WNT3A: variants seen among roughly 807,000 people sequenced by gnomAD.
The protein encoded by WNT3A is Wnt family member 3A.
Under a neutral mutation model 37.0 loss-of-function variants are expected in WNT3A, and 17 were observed. The ratio of observed to expected loss-of-function variants is 0.46; its 90% CI spans 0.31 to 0.69. The LOEUF is 0.69. Ranked by LOEUF, WNT3A falls within the 30% of genes least tolerant of loss-of-function variation. The pLI is 0.05. For synonymous variants in WNT3A, 187 were observed against 211.0 expected, an observed-to-expected ratio of 0.89 and a Z score of 0.99; for missense variants, 411 against 510.2, an observed-to-expected ratio of 0.81 and a Z score of 1.87.
intron 1 of WNT3A, among the ~76,000 whole-genome samples, chr1:228,016,020 G>A (rs1258059819): frequency 2.0e-5 from 3 of 152,138 alleles, no homozygotes; most frequent in East Asian, 1.9e-4. Flanking sequence ...GTCTGTGCCC[G>A]TCACCTTCTG....
chr1:228,018,917 C>T (rs573810969), intron 1 of WNT3A, among the ~76,000 whole-genome samples: 23 of 152,334 alleles, frequency 1.5e-4, no homozygotes, highest in Non-Finnish European at 2.8e-4. Context: ...AGCAATTCAA[C>T]GAACTGGAGG....
Position 228,046,327 on chromosome 1 carries a change from G to GCA in WNT3A, c.314-4328_314-4327dup, listed in dbSNP as rs572969440. 1.8e-4 allele frequency among the ~76,000 whole-genome samples: 27 copies of GCA among 150,774 alleles called. No homozygotes were observed. The East Asian group carries it at 5.1e-3, about 28-fold the overall frequency. ...CATGTGGAGGGGTGTGTGTGTGTGT[G>GCA]CATCTGTGTGCATGCATGTGTTTGT... On this transcript the variant is annotated intron_variant, in intron 2 of 3. Transcript: ENST00000284523.
chr1:228,031,537 GA>G lies in WNT3A; in HGVS notation c.313+8631del, dbSNP rs1281898592. On this transcript the variant is annotated intron_variant, in intron 2 of 3. Transcript: ENST00000284523. This position sits in a 1 kb window ranked among gnomAD's most constrained non-coding sequence, Gnocchi z 4.8. ...TGTATGTGAGTGTGCACGTGTGTGG[GA>G]ATGTGGTGTGATGTGTCATGTGTGC... Among the ~76,000 whole-genome samples the G allele has an allele frequency of 6.6e-6, 1 of 152,134 alleles. No homozygotes were observed. The highest frequency in any genetic ancestry group is 1.5e-5 in the Non-Finnish European group (1 of 68,014).
At chr1:228,048,478 C>T (rs1172670801) in intron 2 of WNT3A, among the ~76,000 whole-genome samples, 13 of 152,228 alleles carry the variant, frequency 8.5e-5, no homozygotes, top group Admixed American at 2.6e-4. Context: ...TGCTAGTTCC[C>T]CAGCTCAGAC....
chr1:228,047,025 G>A (rs2031436048), intron 2 of WNT3A, among the ~76,000 whole-genome samples: 1 of 152,138 alleles, frequency 6.6e-6, no homozygotes, highest in Non-Finnish European at 1.5e-5. Flanking sequence ...AACCAGGAGG[G>A]GCAAATTGGC....
intron 1 of WNT3A, among the ~76,000 whole-genome samples, chr1:228,012,115 A>G (rs1489827331): frequency 6.6e-6 from 1 of 152,226 alleles, no homozygotes. Flanking sequence ...GAGTAGATAC[A>G]GTCATAGCAG....
In WNT3A at chr1:228,037,781, C is replaced by T. The variant is rs1338848996; in HGVS notation, c.314-12875C>T. On this transcript the variant is annotated intron_variant, in intron 2 of 3. Transcript: ENST00000284523. This position sits in a 1 kb window ranked among gnomAD's most constrained non-coding sequence, Gnocchi z 4.1. ...CCGCGTCCGGCTGGGAGCACAATAT[C>T]CCAGCGACGGCGACAAGATTAAGCA... 6.6e-6 allele frequency among the ~76,000 whole-genome samples: 1 copy of T among 152,218 alleles called. No homozygotes were observed. The highest frequency in any genetic ancestry group is 1.5e-5 in the Non-Finnish European group (1 of 68,032).
At chr1:228,058,937 G>C (rs1000664638) in intron 3 of WNT3A, 49 bp from the exon 4 acceptor site, 22 of 1,531,570 alleles carry the variant, frequency 1.4e-5, no homozygotes, top group Non-Finnish European at 1.9e-5. Flanking sequence ...TCCTCGGGGA[G>C]ACGCACCAGG....
intron 1 of WNT3A, among the ~76,000 whole-genome samples, chr1:228,010,760 C>T (rs1022085331): frequency 2.6e-5 from 4 of 152,234 alleles, no homozygotes; most frequent in Non-Finnish European, 4.4e-5. Flanking sequence ...TCCACAGCCT[C>T]GCTCATGCTC....
chr1:228,048,824 C>T (rs1343700791), intron 2 of WNT3A, among the ~76,000 whole-genome samples: 1 of 152,186 alleles, frequency 6.6e-6, no homozygotes, highest in Non-Finnish European at 1.5e-5. Context: ...ACAGCTCATT[C>T]TTTCAACCTG....
At chr1:228,027,208 G>T (rs1442986593) in intron 2 of WNT3A, among the ~76,000 whole-genome samples, 1 of 152,194 alleles carries the variant, frequency 6.6e-6, no homozygotes. Flanking sequence ...CCACATGTTT[G>T]CAATTGGGAA....
intron 1 of WNT3A, among the ~76,000 whole-genome samples, chr1:228,009,190 G>A (rs1433840026): frequency 2.0e-5 from 3 of 152,008 alleles, no homozygotes; most frequent in Non-Finnish European, 4.4e-5. Flanking sequence ...CCTCCCCTTG[G>A]GGGAGGCTGG....
chr1:228,055,179 AATATATATATAT>A (rs1180107835), intron 3 of WNT3A, among the ~76,000 whole-genome samples: 223 of 19,226 alleles, frequency 0.012, 3 homozygotes, highest in South Asian at 0.012. Context: ...AAAAAAAAAA[AATATATATATAT>A]ATATATATAT....
chr1:228,059,434 C>T lies in WNT3A; in HGVS notation c.1028C>T (p.Thr343Met). The part of the protein sequence containing the change: ...WCCYVSCQEC[T>M]RVYDVHTCK ...TGCTACGTCAGCTGCCAGGAGTGCA[C>T]GCGCGTCTACGACGTGCACACCTGC... The change falls in exon 4 of 4, where the codon ACG (threonine) becomes ATG (methionine). Residue 343 changes from threonine (T) to methionine (M), a missense_variant. Thr to Met is a moderately conservative substitution (Grantham distance 81). Coordinates refer to ENST00000284523, the MANE Select transcript of WNT3A (RefSeq NM_033131.4). 3 of 1,533,656 alleles carry T rather than the reference C, an allele frequency of 2.0e-6. No homozygotes were observed. Among genetic ancestry groups the T allele is most frequent in the Non-Finnish European group, 1.7e-6 (2 of 1,144,430 alleles).
In WNT3A at chr1:228,050,648, C is replaced by A; in HGVS notation, c.314-8C>A. 6.3e-7 allele frequency: 1 copy of A among 1,591,250 alleles called. No homozygotes were observed. The highest frequency in any genetic ancestry group is 8.6e-7 in the Non-Finnish European group (1 of 1,166,004). ...CCTGTTAACCCTGCATCTCTCCTCT[C>A]TCTACAGCTACCAGGGAGTCGGCCT... On this transcript the variant is annotated splice_polypyrimidine_tract_variant and splice_region_variant and intron_variant, in intron 2 of 3. Transcript: ENST00000284523. This position sits in a 1 kb window ranked among gnomAD's most constrained non-coding sequence, Gnocchi z 5.0.
At chr1:228,045,377 G>A (rs540106109) in intron 2 of WNT3A, among the ~76,000 whole-genome samples, 12 of 152,290 alleles carry the variant, frequency 7.9e-5, no homozygotes, top group South Asian at 6.2e-4. Context: ...GAGAAGGTCC[G>A]GCCAGGAGGG....
Position 228,060,007 on chromosome 1 carries a change from A to G in WNT3A, c.*542A>G. ...TATGGTGGATGAGGCTTCTTCCTGG[A>G]TGGGGCAGAGCTTCTCCTGACCAGG... On this transcript the variant is annotated 3_prime_UTR_variant, in exon 4 of 4. Transcript: ENST00000284523. 8.7e-7 allele frequency: 1 copy of G among 1,150,432 alleles called. No homozygotes were observed. 71.3% of individuals were successfully genotyped at this position (1,150,432 alleles called of 1,614,324 possible). A position where few individuals can be genotyped will look rare whatever the true frequency, so the allele number is the denominator to read the frequency against.
Position 228,033,141 on chromosome 1 carries a change from T to C in WNT3A, c.313+10233T>C, listed in dbSNP as rs567091628. ...TTCTGTGGGTTGTCTTTTCACTTGCTTGATGGTGTCCTTTGATACATGCAA... is the reference window on the plus strand; with the variant it reads ...TTCTGTGGGTTGTCTTTTCACTTGCCTGATGGTGTCCTTTGATACATGCAA... On this transcript the variant is annotated intron_variant, in intron 2 of 3. Coordinates refer to ENST00000284523, the MANE Select transcript of WNT3A (RefSeq NM_033131.4). 1.5e-4 allele frequency among the ~76,000 whole-genome samples: 23 copies of C among 152,352 alleles called. No homozygotes were observed. In the South Asian group the frequency reaches 3.9e-3, roughly 26 times the overall value.
rs1216923257 is a variant in WNT3A, at chr1:228,050,049, G to T, written c.314-607G>T. Among the ~76,000 whole-genome samples, 1 of 151,920 alleles carries T rather than the reference G, an allele frequency of 6.6e-6. No homozygotes were observed. The highest frequency in any genetic ancestry group is 2.1e-4 in the South Asian group (1 of 4,814). ...CCACCTCTGCCTCCCAAAGGGCTGGGATTACAGATGTAAGCCACCTTGCCA... is the reference window on the plus strand; with the variant it reads ...CCACCTCTGCCTCCCAAAGGGCTGGTATTACAGATGTAAGCCACCTTGCCA... On this transcript the variant is annotated intron_variant, in intron 2 of 3. Coordinates refer to ENST00000284523, the MANE Select transcript of WNT3A (RefSeq NM_033131.4). The surrounding 1 kb of genome is among the most constrained non-coding windows in gnomAD (Gnocchi z 5.0).
Sources: allele counts gnomAD v4.1 joint callset (sites outside exome capture counted in the v4.1 genomes callset), GRCh38; gene constraint gnomAD v4.1.1; non-coding constraint Gnocchi (gnomAD v3.1); transcripts MANE v1.5; gene names NCBI Gene and HGNC (gene_info 2026-07-23, HGNC 2026-07-21).